ADARB2: variants seen among roughly 807,000 people sequenced by gnomAD.
ADARB2 encodes inactive double-stranded RNA-specific editase B2.
Under a neutral mutation model 62.2 loss-of-function variants are expected in ADARB2, and 25 were observed. That is an observed-to-expected ratio of 0.40 (90% CI 0.29 to 0.56). The LOEUF is 0.56. ADARB2 is among the 20% of genes least tolerant of loss of function. ADARB2 has a pLI of 0.43. For synonymous variants in ADARB2, 572 were observed against 500.8 expected (o/e 1.14, Z -1.90); for missense variants, 1,071 against 1,077.4 (o/e 0.99, Z 0.08).
intron 3 of ADARB2, among the ~76,000 whole-genome samples, chr10:1,296,595 G>T (rs540755726): frequency 6.6e-6 from 1 of 152,130 alleles, no homozygotes; most frequent in East Asian, 1.9e-4. Flanking sequence ...ACAAACGTTG[G>T]GGGAGGGCAG....
intron 1 of ADARB2, among the ~76,000 whole-genome samples, chr10:1,515,445 T>C (rs978319143): frequency 1.3e-5 from 2 of 152,200 alleles, no homozygotes; most frequent in Non-Finnish European, 2.9e-5. Flanking sequence ...CCATTACAGC[T>C]TTCTGGGTGA....
At chr10:1,373,774 T>G (rs1832395511) in intron 2 of ADARB2, among the ~76,000 whole-genome samples, 1 of 68,498 alleles carries the variant, frequency 1.5e-5, no homozygotes, top group Non-Finnish European at 4.2e-5. Context: ...CCTTTCCTAA[T>G]GAGACCACGT....
At chr10:1,545,971 T>A (rs2131973111) in intron 1 of ADARB2, among the ~76,000 whole-genome samples, 1 of 152,058 alleles carries the variant, frequency 6.6e-6, no homozygotes, top group Non-Finnish European at 1.5e-5. Context: ...ACATTTGCTT[T>A]ATCTGAGTTT....
At chr10:1,608,631 T>G (rs1404714445) in intron 1 of ADARB2, among the ~76,000 whole-genome samples, 19 of 104,590 alleles carry the variant, frequency 1.8e-4, no homozygotes, top group African/African-American at 4.3e-4. Context: ...AAAAGAGAAA[T>G]GAAGGGAGGG....
At chr10:1,516,243 A>G (rs1832007330) in intron 1 of ADARB2, among the ~76,000 whole-genome samples, 1 of 151,474 alleles carries the variant, frequency 6.6e-6, no homozygotes, top group African/African-American at 2.4e-5. Flanking sequence ...CAAATAAACC[A>G]CCTTCCCTCC....
chr10:1,642,664 T>C (rs954049731), intron 1 of ADARB2, among the ~76,000 whole-genome samples: 10 of 152,238 alleles, frequency 6.6e-5, no homozygotes, highest in African/African-American at 2.4e-4. Context: ...AAATAGCGAA[T>C]TAGCTCAAGG....
chr10:1,611,695 TTG>T (rs1322094671), intron 1 of ADARB2, among the ~76,000 whole-genome samples: 5 of 10,860 alleles, frequency 4.6e-4, no homozygotes, highest in African/African-American at 3.3e-3. Flanking sequence ...CATTTTTGCC[TTG>T]TTGTAATTTC....
intron 1 of ADARB2, among the ~76,000 whole-genome samples, chr10:1,635,922 G>A (rs1261920805): frequency 6.6e-6 from 1 of 152,082 alleles, no homozygotes; most frequent in African/African-American, 2.4e-5. Flanking sequence ...ACACTGTGCA[G>A]AAAACCTGAT....
At chr10:1,540,843 T>TCACAG (rs544326756) in intron 1 of ADARB2, among the ~76,000 whole-genome samples, 2 of 40,996 alleles carry the variant, frequency 4.9e-5, no homozygotes, top group African/African-American at 8.5e-5. Context: ...AGACCCTGGA[T>TCACAG]CCGTCCAGAC....
chr10:1,228,411 G>T (rs954635740), intron 6 of ADARB2, among the ~76,000 whole-genome samples: 1 of 152,208 alleles, frequency 6.6e-6, no homozygotes, highest in South Asian at 2.1e-4. Context: ...CTCCATCTGG[G>T]CTCTTTCAGA....
intron 1 of ADARB2, among the ~76,000 whole-genome samples, chr10:1,586,517 T>C (rs1330698523): frequency 6.6e-6 from 1 of 152,244 alleles, no homozygotes; most frequent in Non-Finnish European, 1.5e-5. Flanking sequence ...CATTTCAACA[T>C]GGTGCCAAGG....
At chr10:1,282,429 A>G (rs1056548129) in intron 3 of ADARB2, among the ~76,000 whole-genome samples, 1 of 152,240 alleles carries the variant, frequency 6.6e-6, no homozygotes, top group African/African-American at 2.4e-5. Flanking sequence ...ATTAAATCAC[A>G]TACATGATTG....
At chr10:1,714,099 T>G (rs1834985477) in intron 1 of ADARB2, among the ~76,000 whole-genome samples, 1 of 152,230 alleles carries the variant, frequency 6.6e-6, no homozygotes, top group African/African-American at 2.4e-5. Flanking sequence ...ACTGGATTGG[T>G]ACTAAAACCA....
At chr10:1,260,638 C>A (rs1377901132) in intron 4 of ADARB2, among the ~76,000 whole-genome samples, 1 of 151,738 alleles carries the variant, frequency 6.6e-6, no homozygotes. Flanking sequence ...AACCACTGAT[C>A]AAGGAAATAA....
At position 1,705,385 on chromosome 10, in the gene ADARB2, C is replaced by T. The variant is rs142208417; in HGVS notation, c.100+31666G>A. Among the ~76,000 whole-genome samples the T allele has an allele frequency of 4.5e-3, 689 of 152,204 alleles. 2 individuals carry two copies. Among genetic ancestry groups the T allele is most frequent in the Non-Finnish European group, 8.6e-3 (586 of 68,014 alleles). ...AGCTGACGTGGATGGCACCAGGGGT[C>T]CTGGGGGACCGGAGAGGACGGACTG... On this transcript the variant is annotated intron_variant, in intron 1 of 9. Transcript: ENST00000381312.
chr10:1,676,793 T>TA (rs1834471723), intron 1 of ADARB2, among the ~76,000 whole-genome samples: 1 of 151,680 alleles, frequency 6.6e-6, no homozygotes, highest in Non-Finnish European at 1.5e-5. Flanking sequence ...TAATTTTTTT[T>TA]AAGATGGAAA....
chr10:1,550,077 G>T (rs369592405), intron 1 of ADARB2, among the ~76,000 whole-genome samples: 57 of 152,282 alleles, frequency 3.7e-4, no homozygotes, highest in African/African-American at 1.1e-3. Flanking sequence ...ACCCAGCAGG[G>T]CCAAAGAGAT....
At chr10:1,536,967 T>A (rs7082956) in intron 1 of ADARB2, among the ~76,000 whole-genome samples, 1 of 152,058 alleles carries the variant, frequency 6.6e-6, no homozygotes, top group Non-Finnish European at 1.5e-5. Flanking sequence ...TAAATGGGAT[T>A]GAATTAAACT....
At chr10:1,630,996 T>TGAAAG (rs1196127897) in intron 1 of ADARB2, among the ~76,000 whole-genome samples, 3 of 142,642 alleles carry the variant, frequency 2.1e-5, no homozygotes, top group African/African-American at 7.9e-5. Flanking sequence ...AACAAACAAA[T>TGAAAG]AAATGAAAGA....
Sources: allele counts gnomAD v4.1 joint callset (sites outside exome capture counted in the v4.1 genomes callset), GRCh38; gene constraint gnomAD v4.1.1; transcripts MANE v1.5; gene names NCBI Gene and HGNC (gene_info 2026-07-23, HGNC 2026-07-21).